The following PGLYRP2 variants were observed in gnomAD, a reference collection of about 807,000 sequenced individuals.
PGLYRP2 encodes N-acetylmuramoyl-L-alanine amidase.
Under a neutral mutation model 46.2 loss-of-function variants are expected in PGLYRP2, and 38 were observed. The ratio of observed to expected loss-of-function variants is 0.82; its 90% CI spans 0.64 to 1.08. PGLYRP2 has a LOEUF of 1.08. Among genes scored for constraint, PGLYRP2 ranks in the 50% least tolerant of loss-of-function variants. PGLYRP2 has a pLI of 0.00. For synonymous variants in PGLYRP2, 289 were observed against 329.4 expected (o/e 0.88, Z 1.33); for missense variants, 713 against 755.9 (o/e 0.94, Z 0.67).
rs750362360 is a variant in PGLYRP2 at position 15,469,663 on chromosome 19, T to G, written c.1610A>C (p.Asp537Ala). ...RTDCPGDALF[D>A]LLRTWPHFTA... The stretch of plus-strand genomic sequence containing the variant: ...GAAGTGCGGCCAGGTGCGCAGCAGG[T>G]CGAAGAGCGCGTCGCCGGGGCAGTC... The change falls in exon 4 of 5, where the codon GAC becomes GCC. Residue 537 changes from aspartate to alanine, a missense_variant. Asp to Ala is a moderately radical substitution (Grantham distance 126, BLOSUM62 -2). Transcript: ENST00000340880. The surrounding 1 kb of genome is among the most constrained non-coding windows in gnomAD (Gnocchi z 4.9). The G allele has an allele frequency of 6.4e-7, 1 of 1,555,138 alleles. No individual in the cohort carries two copies. Among genetic ancestry groups the G allele is most frequent in the Non-Finnish European group, 8.7e-7 (1 of 1,154,768 alleles).
In PGLYRP2 at chr19:15,476,416, G is replaced by A. The variant is rs1970797445; in HGVS notation, c.254C>T (p.Pro85Leu). 1.9e-6 allele frequency: 3 copies of A among 1,613,992 alleles called. No individual in the cohort carries two copies. Among genetic ancestry groups the A allele is most frequent in the Non-Finnish European group, 2.5e-6 (3 of 1,180,016 alleles). Residue 85 changes from proline (P) to leucine (L), a missense_variant, in exon 2 of 5, where the codon CCA becomes CTA. Transcript: ENST00000340880. Reference sequence around the variant, plus strand: ...CAGGCCTAACAGCTCTGGGCTTAGTGGGCAGGGATCCAACTCTGTAGCATT... The same window carrying A: ...CAGGCCTAACAGCTCTGGGCTTAGTAGGCAGGGATCCAACTCTGTAGCATT... The part of the protein sequence containing the change: ...SLNATELDPC[P>L]LSPELLGLTK...
chr19:15,475,726 C>T lies in PGLYRP2; in HGVS notation c.944G>A (p.Arg315His), dbSNP rs145689498. The change falls in exon 2 of 5, where the codon CGC (arginine) becomes CAC (histidine). Residue 315 changes from arginine (R) to histidine (H), a missense_variant. Physicochemically the swap from Arg to His is conservative, Grantham distance 29. Transcript: ENST00000340880. ...GAGVARDPGF[R>H]SNFRRQNGAA... is the part of the protein sequence containing the mutation. ...ACCGTTCTGCCGTCGGAAGTTGCTG[C>T]GGAACCCTGGGTCTCTGGCCACCCC... is the stretch of plus-strand genomic sequence containing the variant. 1.3e-5 allele frequency: 21 copies of T among 1,613,994 alleles called. No individual in the cohort carries two copies. Among genetic ancestry groups the T allele is most frequent in the Middle Eastern group, 1.7e-4 (1 of 6,060 alleles).
chr19:15,477,721 T>TAAAATTAAAATAAAA (rs56127600), intron 1 of PGLYRP2, among the ~76,000 whole-genome samples: 49,068 of 134,472 alleles, frequency 0.36, 9,048 homozygotes, highest in East Asian at 0.73. Context: ...TAAAATAAAA[T>TAAAATTAAAATAAAA]TAAATTAAAA....
At position 15,469,202 on chromosome 19, in the gene PGLYRP2, G is replaced by T; in HGVS notation, c.1641+430C>A. ...TGTTGTGTGGACAGAGGGCCTTCGG[G>T]TAGGGGCAGGGGTGAGGTCAAGGTT... On this transcript the variant is annotated intron_variant, in intron 4 of 4. Coordinates refer to ENST00000340880, the MANE Select transcript of PGLYRP2 (RefSeq NM_052890.4). The surrounding 1 kb of genome is among the most constrained non-coding windows in gnomAD (Gnocchi z 4.9). 1.7e-6 allele frequency: 1 copy of T among 589,754 alleles called. No individual in the cohort carries two copies. Among genetic ancestry groups the T allele is most frequent in the South Asian group, 2.1e-5 (1 of 48,158 alleles). The allele number at this position is 589,754 out of a possible 1,614,324, so 36.5% of individuals were successfully genotyped here. A position where few individuals can be genotyped will look rare whatever the true frequency, so the allele number is the denominator to read the frequency against.
At chr19:15,470,076 G>T in intron 3 of PGLYRP2, 147 bp from the exon 4 acceptor site, 1 of 816,864 alleles carries the variant, frequency 1.2e-6, no homozygotes. Flanking sequence ...ATCCAGCTCT[G>T]TTCCACTCTC....
intron 1 of PGLYRP2, among the ~76,000 whole-genome samples, chr19:15,478,845 C>G (rs748105296): frequency 7.9e-5 from 12 of 152,016 alleles, no homozygotes; most frequent in Non-Finnish European, 1.8e-4. Context: ...TGGTCTCGAT[C>G]TCCTGATCTC....
chr19:15,468,786 G>T, intron 4 of PGLYRP2, 34 bp from the exon 5 acceptor site: 2 of 1,564,412 alleles, frequency 1.3e-6, no homozygotes, highest in Non-Finnish European at 1.7e-6. Context: ...AGGCTTGGGG[G>T]TGGTTGTGGT....
At position 15,469,621 on chromosome 19, in the gene PGLYRP2, C is replaced by G. The variant is rs141363270; in HGVS notation, c.1641+11G>C. 3.5e-4 allele frequency: 545 copies of G among 1,575,172 alleles called. 1 individual carries two copies. The highest frequency in any genetic ancestry group is 4.4e-4 in the Non-Finnish European group (518 of 1,166,890). On this transcript the variant is annotated intron_variant, in intron 4 of 4. Coordinates refer to ENST00000340880, the MANE Select transcript of PGLYRP2 (RefSeq NM_052890.4). The surrounding 1 kb of genome is among the most constrained non-coding windows in gnomAD (Gnocchi z 4.9). ...GCGGCGGGCCGTGTAGTGCAGGCTG[C>G]GAAGACTCACCGCGGTGAAGTGCGG...
At position 15,470,246 on chromosome 19, in the gene PGLYRP2, T is replaced by TTCCC. The variant is rs1568340216; in HGVS notation, c.1344-318_1344-317insGGGA. ...CTGTTTTTGGGTTTTTTTTCTTTCCTTCCTTCCTTCCTTCCTTCCTTCCTT... is the reference window on the plus strand; with the variant it reads ...CTGTTTTTGGGTTTTTTTTCTTTCCTTCCCTCCTTCCTTCCTTCCTTCCTTCCTT... On this transcript the variant is annotated intron_variant, in intron 3 of 4. Coordinates refer to ENST00000340880, the MANE Select transcript of PGLYRP2 (RefSeq NM_052890.4). 3.7e-3 allele frequency among the ~76,000 whole-genome samples: 335 copies of TTCCC among 90,128 alleles called. 2 individuals carry two copies. The highest frequency in any genetic ancestry group is 0.015 in the African/African-American group (322 of 21,008). The allele number at this position is 90,128 out of a possible 152,430, so 59.1% of individuals were successfully genotyped here.
rs767944639 is a variant in PGLYRP2, at chr19:15,476,115, A to T, written c.555T>A (p.Ile185=). The change falls in exon 2 of 5, where the codon ATT becomes ATA. Residue 185 remains isoleucine, a synonymous_variant. Coordinates refer to ENST00000340880, the MANE Select transcript of PGLYRP2 (RefSeq NM_052890.4). ...DGSPDVTTAD[I]GANTPDATKG... ...TTGTAGCATCTGGAGTGTTGGCTCCAATATCTGCAGTGGTGACATCTGGAG... is the reference window on the plus strand; with the variant it reads ...TTGTAGCATCTGGAGTGTTGGCTCCTATATCTGCAGTGGTGACATCTGGAG... 6.2e-7 allele frequency: 1 copy of T among 1,614,174 alleles called. No individual in the cohort carries two copies. The highest frequency in any genetic ancestry group is 8.5e-7 in the Non-Finnish European group (1 of 1,180,028).
intron 3 of PGLYRP2, 99 bp from the exon 4 acceptor site, chr19:15,470,028 C>T: frequency 8.0e-7 from 1 of 1,243,820 alleles, no homozygotes; most frequent in African/African-American, 1.6e-5. Context: ...CAAGGGCCAC[C>T]GACCCCAAGA....
intron 4 of PGLYRP2, 36 bp from the exon 5 acceptor site, chr19:15,468,788 G>C: frequency 1.9e-6 from 3 of 1,558,080 alleles, no homozygotes. Flanking sequence ...GCTTGGGGGT[G>C]GTTGTGGTAT....
At chr19:15,478,122 G>A (rs1390283503) in intron 1 of PGLYRP2, among the ~76,000 whole-genome samples, 6 of 152,258 alleles carry the variant, frequency 3.9e-5, no homozygotes, top group Admixed American at 2.0e-4. Flanking sequence ...CGAGGCAGGC[G>A]GATCACTTGA....
chr19:15,471,953 G>A lies in PGLYRP2; in HGVS notation c.1280C>T (p.Ala427Val), dbSNP rs144544106. Residue 427 changes from alanine to valine, a missense_variant, in exon 3 of 5, where the codon GCC (alanine) becomes GTC (valine). Transcript: ENST00000340880. Reference sequence around the variant, plus strand: ...GTAGCGCTGCATGGAGCGCATGTTGGCTGCGCAGCGCGTGAAGTCCGTGCA... The same window carrying A: ...GTAGCGCTGCATGGAGCGCATGTTGACTGCGCAGCGCGTGAAGTCCGTGCA... ...PPCTDFTRCA[A>V]NMRSMQRYHQ... The A allele has an allele frequency of 1.2e-6, 2 of 1,613,978 alleles. No homozygotes were observed. Among genetic ancestry groups the A allele is most frequent in the African/African-American group, 2.7e-5 (2 of 74,952 alleles).
chr19:15,469,171 G>C lies in PGLYRP2; in HGVS notation c.1642-419C>G, dbSNP rs568999975. On this transcript the variant is annotated intron_variant, in intron 4 of 4. Coordinates refer to ENST00000340880, the MANE Select transcript of PGLYRP2 (RefSeq NM_052890.4). This position sits in a 1 kb window ranked among gnomAD's most constrained non-coding sequence, Gnocchi z 4.9. ...TGTGAAGGCAAAAGGTCACAGCCTA[G>C]GTTCATGTTGTGTGGACAGAGGGCC... 2.1e-4 allele frequency: 124 copies of C among 580,822 alleles called. No homozygotes were observed. Among genetic ancestry groups the C allele is most frequent in the African/African-American group, 1.8e-3 (98 of 53,584 alleles). The allele number at this position is 580,822 out of a possible 1,614,324, so 36.0% of individuals were successfully genotyped here.
At chr19:15,475,134 G>A (rs10164310) in intron 2 of PGLYRP2, among the ~76,000 whole-genome samples, 25,723 of 152,086 alleles carry the variant, frequency 0.17, 2,333 homozygotes, top group African/African-American at 0.21. Flanking sequence ...TGGATGTAGC[G>A]TGTGGAAAGA....
rs192626766 is a variant in PGLYRP2, at chr19:15,475,419, G to A, written c.1132+119C>T. ...CTGTGCAGCTGTCCCACCCACCCCC[G>A]ACCAGATCCCTTATTGCCCCCTCTG... is the stretch of plus-strand genomic sequence containing the variant. On this transcript the variant is annotated intron_variant, in intron 2 of 4. Transcript: ENST00000340880. The A allele has an allele frequency of 4.0e-4, 345 of 871,724 alleles. 1 individual carries two copies. In the African/African-American group the frequency reaches 4.5e-3, roughly 11 times the overall value. The allele number at this position is 871,724 out of a possible 1,614,324, so 54.0% of individuals were successfully genotyped here. A position where few individuals can be genotyped will look rare whatever the true frequency, so the allele number is the denominator to read the frequency against.
chr19:15,469,176 ATGT>A lies in PGLYRP2; in HGVS notation c.1642-427_1642-425del. The stretch of plus-strand genomic sequence containing the variant: ...AGGCAAAAGGTCACAGCCTAGGTTC[ATGT>A]TGTGTGGACAGAGGGCCTTCGGGTA... On this transcript the variant is annotated intron_variant, in intron 4 of 4. Coordinates refer to ENST00000340880, the MANE Select transcript of PGLYRP2 (RefSeq NM_052890.4). This position sits in a 1 kb window ranked among gnomAD's most constrained non-coding sequence, Gnocchi z 4.9. The A allele has an allele frequency of 6.9e-6, 4 of 583,386 alleles. No individual in the cohort carries two copies. Among genetic ancestry groups the A allele is most frequent in the South Asian group, 6.4e-5 (3 of 46,692 alleles). 36.1% of individuals were successfully genotyped at this position (583,386 alleles called of 1,614,324 possible).
rs373142402 is a variant in PGLYRP2 at position 15,475,894 on chromosome 19, G to T, written c.776C>A (p.Thr259Lys). The change falls in exon 2 of 5, where the codon ACG (threonine) becomes AAG (lysine). Residue 259 changes from threonine to lysine, a missense_variant. Coordinates refer to ENST00000340880, the MANE Select transcript of PGLYRP2 (RefSeq NM_052890.4). Reference sequence around the variant, plus strand: ...CAGAGATGCCTTGGGGTCCAAAAGCGTAAAGGTCCGAGGGGCAGAGAGCTG... The same window carrying T: ...CAGAGATGCCTTGGGGTCCAAAAGCTTAAAGGTCCGAGGGGCAGAGAGCTG... ...WDQLSAPRTF[T>K]LLDPKASLLT... 3 of 1,614,110 alleles carry T rather than the reference G, an allele frequency of 1.9e-6. No homozygotes were observed. Among genetic ancestry groups the T allele is most frequent in the Admixed American group, 3.3e-5 (2 of 60,002 alleles).
Sources: allele counts gnomAD v4.1 joint callset (sites outside exome capture counted in the v4.1 genomes callset), GRCh38; gene constraint gnomAD v4.1.1; non-coding constraint Gnocchi (gnomAD v3.1); transcripts MANE v1.5; gene names NCBI Gene and HGNC (gene_info 2026-07-23, HGNC 2026-07-21).